The following MYLK variants were observed in gnomAD, a reference collection of about 807,000 sequenced individuals.
MYLK encodes myosin light chain kinase.
In MYLK, 106 loss-of-function variants were observed where a neutral mutation model predicts 203.4. That is an observed-to-expected ratio of 0.52 (90% CI 0.45 to 0.61). MYLK has a LOEUF of 0.61. MYLK is among the 20% of genes least tolerant of loss of function. The probability of loss-of-function intolerance (pLI) is 0.00; values close to 1 mark genes in which losing one functional copy is unlikely to be tolerated. For missense variants in MYLK, 2,072 were observed against 2,442.3 expected, an observed-to-expected ratio of 0.85 and a Z score of 3.20; for synonymous variants, 867 against 959.5, an observed-to-expected ratio of 0.90 and a Z score of 1.78.
intron 18 of MYLK, chr3:123,693,415 G>A (rs1226653541): frequency 1.8e-5 from 2 of 108,888 alleles, no homozygotes; most frequent in Non-Finnish European, 3.8e-5. Flanking sequence ...AAGATCTGTT[G>A]GGAGGTGGTG....
chr3:123,698,611 T>C (rs542438084), intron 18 of MYLK, among the ~76,000 whole-genome samples: 1 of 152,190 alleles, frequency 6.6e-6, no homozygotes, highest in South Asian at 2.1e-4. Flanking sequence ...AGGTGGGGGA[T>C]GGAGGAGACG....
chr3:123,830,008 C>A (rs780545967), intron 3 of MYLK, among the ~76,000 whole-genome samples: 4 of 152,220 alleles, frequency 2.6e-5, no homozygotes, highest in Non-Finnish European at 4.4e-5. Flanking sequence ...CTTTTCCTCA[C>A]TGCAAATGTT....
chr3:123,812,044 G>A (rs1407215976), intron 3 of MYLK, among the ~76,000 whole-genome samples: 21 of 151,964 alleles, frequency 1.4e-4, no homozygotes, highest in Non-Finnish European at 1.5e-5. Context: ...CTGGTTTTTT[G>A]TCATTACCCA....
chr3:123,883,246 G>T (rs1057208846), intron 1 of MYLK, among the ~76,000 whole-genome samples: 1 of 152,110 alleles, frequency 6.6e-6, no homozygotes, highest in Non-Finnish European at 1.5e-5. Context: ...CTTTGCACTT[G>T]GGGAGAGGAG....
At position 123,649,205 on chromosome 3, in the gene MYLK, C is replaced by A. The variant is rs1340148269; in HGVS notation, c.4289-11G>T. On this transcript the variant is annotated splice_polypyrimidine_tract_variant and intron_variant, in intron 24 of 33. Coordinates refer to ENST00000360304, the MANE Select transcript of MYLK (RefSeq NM_053025.4). ...CTTCATCCTTCGGCTCTGGGGGGGGCACAAGGAAGGACAGAGAGGACACAG... is the reference window on the plus strand; with the variant it reads ...CTTCATCCTTCGGCTCTGGGGGGGGAACAAGGAAGGACAGAGAGGACACAG... 3.1e-6 allele frequency: 5 copies of A among 1,610,916 alleles called. No individual in the cohort carries two copies. In the East Asian group the frequency reaches 1.1e-4, roughly 36 times the overall value.
At chr3:123,859,687 T>C (rs898955668) in intron 2 of MYLK, among the ~76,000 whole-genome samples, 5 of 152,168 alleles carry the variant, frequency 3.3e-5, no homozygotes, top group Admixed American at 6.5e-5. Context: ...AATCGTTTAA[T>C]AGAAAAATGA....
intron 5 of MYLK, among the ~76,000 whole-genome samples, chr3:123,747,319 T>C (rs1245181511): frequency 6.6e-6 from 1 of 152,078 alleles, no homozygotes; most frequent in Non-Finnish European, 1.5e-5. Context: ...CCTCTCTCTC[T>C]CACATAGTCA....
At chr3:123,698,265 G>C (rs1325948299) in intron 18 of MYLK, among the ~76,000 whole-genome samples, 1 of 152,184 alleles carries the variant, frequency 6.6e-6, no homozygotes, top group Non-Finnish European at 1.5e-5. Flanking sequence ...AAATCCACTA[G>C]CAAAGAAGAA....
chr3:123,768,106 G>A (rs1178186711), intron 4 of MYLK, among the ~76,000 whole-genome samples: 1 of 152,190 alleles, frequency 6.6e-6, no homozygotes, highest in Non-Finnish European at 1.5e-5. Context: ...TAGAAGCTGA[G>A]GGGAACCAGG....
At chr3:123,853,198 C>T (rs2031023515) in intron 2 of MYLK, among the ~76,000 whole-genome samples, 1 of 151,930 alleles carries the variant, frequency 6.6e-6, no homozygotes, top group Admixed American at 6.6e-5. Flanking sequence ...AGAAAGCCCA[C>T]AATATTTTAA....
chr3:123,763,157 G>A (rs555033170), intron 4 of MYLK, among the ~76,000 whole-genome samples: 23 of 152,180 alleles, frequency 1.5e-4, no homozygotes, highest in Non-Finnish European at 2.6e-4. Flanking sequence ...TTTTCCTGGA[G>A]TTAATAACTG....
At chr3:123,801,423 T>TA (rs1318248711) in intron 3 of MYLK, among the ~76,000 whole-genome samples, 1 of 152,104 alleles carries the variant, frequency 6.6e-6, no homozygotes, top group Admixed American at 6.5e-5. Context: ...ATTTTCCCTT[T>TA]AAAAAAAACT....
intron 5 of MYLK, among the ~76,000 whole-genome samples, chr3:123,742,857 G>A (rs1397885938): frequency 6.6e-6 from 1 of 152,180 alleles, no homozygotes; most frequent in Non-Finnish European, 1.5e-5. Flanking sequence ...TTAAGTGAAG[G>A]AGCTCAGACC....
At chr3:123,851,555 T>C (rs1156238290) in intron 2 of MYLK, among the ~76,000 whole-genome samples, 1 of 152,118 alleles carries the variant, frequency 6.6e-6, no homozygotes, top group Non-Finnish European at 1.5e-5. Flanking sequence ...TGTCTGTTAT[T>C]GCTGTATAAG....
chr3:123,783,580 C>A (rs2064383357), intron 4 of MYLK, among the ~76,000 whole-genome samples: 1 of 152,154 alleles, frequency 6.6e-6, no homozygotes, highest in African/African-American at 2.4e-5. Context: ...AGTCTTCTTG[C>A]AGGCATTTTT....
chr3:123,619,449 G>A (rs1226258443), intron 32 of MYLK, among the ~76,000 whole-genome samples: 8 of 152,154 alleles, frequency 5.3e-5, no homozygotes, highest in African/African-American at 9.7e-5. Context: ...GGCAGTTGCT[G>A]GCCTCACCAA....
chr3:123,835,994 A>G (rs1378102020), intron 2 of MYLK: 1 of 152,214 alleles, frequency 6.6e-6, no homozygotes, highest in African/African-American at 2.4e-5. Context: ...TACTCAGTCT[A>G]TTAGCATTAG....
chr3:123,654,525 C>T (rs1258666903), intron 24 of MYLK, among the ~76,000 whole-genome samples: 2 of 152,048 alleles, frequency 1.3e-5, no homozygotes, highest in African/African-American at 2.4e-5. Flanking sequence ...CAAATACATT[C>T]TCACCTACTG....
intron 29 of MYLK, among the ~76,000 whole-genome samples, chr3:123,636,716 C>G (rs1248587560): frequency 1.3e-5 from 2 of 152,220 alleles, no homozygotes; most frequent in African/African-American, 4.8e-5. Context: ...CACTTGTCAG[C>G]GCCCCTTCTC....
Sources: allele counts gnomAD v4.1 joint callset (sites outside exome capture counted in the v4.1 genomes callset), GRCh38; gene constraint gnomAD v4.1.1; transcripts MANE v1.5; gene names NCBI Gene and HGNC (gene_info 2026-07-23, HGNC 2026-07-21).